ADAMTS12: variants seen among roughly 807,000 people sequenced by gnomAD.
ADAMTS12 encodes A disintegrin and metalloproteinase with thrombospondin motifs 12.
Under a neutral mutation model 167.8 loss-of-function variants are expected in ADAMTS12, and 118 were observed. That is an observed-to-expected ratio of 0.70 (90% CI 0.61 to 0.82). The LOEUF is 0.82. ADAMTS12 is among the 40% of genes least tolerant of loss of function. ADAMTS12 has a pLI of 0.00. For synonymous variants in ADAMTS12, 704 were observed against 716.9 expected, an observed-to-expected ratio of 0.98 and a Z score of 0.29; for missense variants, 1,916 against 1,998.8, an observed-to-expected ratio of 0.96 and a Z score of 0.79.
chr5:33,719,397 G>T (rs1743729758), intron 3 of ADAMTS12, among the ~76,000 whole-genome samples: 5 of 152,168 alleles, frequency 3.3e-5, no homozygotes, highest in Admixed American at 1.3e-4. Flanking sequence ...GGTGAAAAGT[G>T]ATACAACTGT....
At chr5:33,729,186 T>C (rs1430278848) in intron 3 of ADAMTS12, among the ~76,000 whole-genome samples, 3 of 152,220 alleles carry the variant, frequency 2.0e-5, no homozygotes, top group African/African-American at 7.2e-5. Flanking sequence ...AATAACATTT[T>C]AGAGTTTATT....
chr5:33,666,430 C>A (rs973583091), intron 5 of ADAMTS12, among the ~76,000 whole-genome samples: 1 of 152,222 alleles, frequency 6.6e-6, no homozygotes. Flanking sequence ...AGGAACAAAT[C>A]TCTGGGGTGG....
intron 20 of ADAMTS12, among the ~76,000 whole-genome samples, chr5:33,552,736 T>C (rs1745307638): frequency 6.6e-6 from 1 of 152,214 alleles, no homozygotes; most frequent in South Asian, 2.1e-4. Context: ...CATGTGTCTG[T>C]TTTTTACCAG....
chr5:33,861,206 TAA>T (rs1749603264), intron 2 of ADAMTS12, among the ~76,000 whole-genome samples: 1 of 152,208 alleles, frequency 6.6e-6, no homozygotes, highest in Admixed American at 6.5e-5. Flanking sequence ...GTAAGTGGGC[TAA>T]ATGCCACAAT....
Position 33,616,013 on chromosome 5 carries a change from C to G in ADAMTS12, c.2203G>C (p.Glu735Gln), listed in dbSNP as rs1480264543. ...ATGGCCAGGAAGTTTCCAGCTCCCTCAATTTCCATCACTCTTATGTCCCTT... is the reference window on the plus strand; with the variant it reads ...ATGGCCAGGAAGTTTCCAGCTCCCTGAATTTCCATCACTCTTATGTCCCTT... ...GARDIRVMEI[E>Q]GAGNFLAIRS... Residue 735 changes from glutamate (E) to glutamine (Q), a missense_variant, in exon 15 of 24, where the codon GAG becomes CAG. Coordinates refer to ENST00000504830, the MANE Select transcript of ADAMTS12 (RefSeq NM_030955.4). 2.5e-6 allele frequency: 4 copies of G among 1,614,182 alleles called. No individual in the cohort carries two copies. Among genetic ancestry groups the G allele is most frequent in the Middle Eastern group, 3.3e-4 (2 of 6,062 alleles).
At chr5:33,884,034 G>A (rs1340784289) in intron 1 of ADAMTS12, among the ~76,000 whole-genome samples, 1 of 151,970 alleles carries the variant, frequency 6.6e-6, no homozygotes, top group Non-Finnish European at 1.5e-5. Context: ...AAGGGAGTTG[G>A]GTCAGAAAAT....
chr5:33,552,904 A>G (rs1004710130), intron 20 of ADAMTS12, among the ~76,000 whole-genome samples: 4 of 152,220 alleles, frequency 2.6e-5, no homozygotes, highest in Non-Finnish European at 5.9e-5. Flanking sequence ...GAAACTATCA[A>G]CAGAGTAAAC....
chr5:33,885,826 T>G (rs1750616113), intron 1 of ADAMTS12, among the ~76,000 whole-genome samples: 1 of 152,120 alleles, frequency 6.6e-6, no homozygotes, highest in South Asian at 2.1e-4. Context: ...AAAATGAGTT[T>G]GGAGTGACAG....
rs1166648109 is a variant in ADAMTS12 at position 33,527,053 on chromosome 5, G to A, written c.*135C>T. On this transcript the variant is annotated 3_prime_UTR_variant, in exon 24 of 24. Coordinates refer to ENST00000504830, the MANE Select transcript of ADAMTS12 (RefSeq NM_030955.4). The stretch of plus-strand genomic sequence containing the variant: ...ATTCGGTGGCTAGAGGAACACAATG[G>A]ATTTTGTTTCATCATGACCCAAAGC... 1.6e-5 allele frequency: 19 copies of A among 1,190,990 alleles called. No individual in the cohort carries two copies. Among genetic ancestry groups the A allele is most frequent in the Non-Finnish European group, 2.1e-5 (18 of 841,432 alleles). The allele number at this position is 1,190,990 out of a possible 1,614,324, so 73.8% of individuals were successfully genotyped here. A position where few individuals can be genotyped will look rare whatever the true frequency, so the allele number is the denominator to read the frequency against.
intron 1 of ADAMTS12, among the ~76,000 whole-genome samples, chr5:33,883,834 GTCCACTCAC>G (rs1180265586): frequency 4.6e-5 from 7 of 152,180 alleles, no homozygotes; most frequent in African/African-American, 9.7e-5. Flanking sequence ...CCTCTCTCCT[GTCCACTCAC>G]TCCCTAAGAA....
chr5:33,733,655 G>A (rs1744271304), intron 3 of ADAMTS12, among the ~76,000 whole-genome samples: 2 of 152,182 alleles, frequency 1.3e-5, no homozygotes, highest in South Asian at 4.1e-4. Context: ...ACATGGCCGT[G>A]CTTTGTGCAA....
At chr5:33,595,185 T>A (rs1171559872) in intron 17 of ADAMTS12, among the ~76,000 whole-genome samples, 1 of 151,994 alleles carries the variant, frequency 6.6e-6, no homozygotes, top group Non-Finnish European at 1.5e-5. Context: ...TTTTTAAACA[T>A]AAGCCTGGCA....
intron 3 of ADAMTS12, among the ~76,000 whole-genome samples, chr5:33,705,932 G>C (rs1290053155): frequency 6.6e-6 from 1 of 151,954 alleles, no homozygotes; most frequent in African/African-American, 2.4e-5. Flanking sequence ...CGATGTGAAA[G>C]ACCTCTACAA....
chr5:33,687,725 G>GTA lies in ADAMTS12; in HGVS notation c.635-3672_635-3671dup, dbSNP rs1470001913. ...CAGGACTGAGCTGGGGGAGAGGACTGTATATATGTGGGCTGACTCTGCGGA... is the reference window on the plus strand; with the variant it reads ...CAGGACTGAGCTGGGGGAGAGGACTGTATATATATGTGGGCTGACTCTGCGGA... On this transcript the variant is annotated intron_variant, in intron 3 of 23. Transcript: ENST00000504830. Among the ~76,000 whole-genome samples, 5 of 152,334 alleles carry GTA rather than the reference G, an allele frequency of 3.3e-5. No homozygotes were observed. In the South Asian group the frequency reaches 6.2e-4, roughly 19 times the overall value.
At chr5:33,568,908 G>A (rs976805329) in intron 19 of ADAMTS12, among the ~76,000 whole-genome samples, 10 of 152,248 alleles carry the variant, frequency 6.6e-5, no homozygotes, top group Non-Finnish European at 1.2e-4. Context: ...GCGCTTTTCC[G>A]ACGGGCTTAG....
intron 5 of ADAMTS12, among the ~76,000 whole-genome samples, chr5:33,668,214 G>GA (rs1194976781): frequency 6.6e-6 from 1 of 152,052 alleles, no homozygotes. Flanking sequence ...CCTACAATTG[G>GA]AAAAAAATCA....
chr5:33,541,530 T>G (rs1260546356), intron 22 of ADAMTS12, among the ~76,000 whole-genome samples: 1 of 152,100 alleles, frequency 6.6e-6, no homozygotes, highest in Non-Finnish European at 1.5e-5. Context: ...GACACATAAT[T>G]GTCAGATTCA....
chr5:33,851,528 T>A (rs1351392425), intron 2 of ADAMTS12, among the ~76,000 whole-genome samples: 1 of 152,158 alleles, frequency 6.6e-6, no homozygotes, highest in Non-Finnish European at 1.5e-5. Flanking sequence ...AAAGAGAGAA[T>A]CCTTTCCAGA....
At chr5:33,873,368 A>G (rs1424641324) in intron 2 of ADAMTS12, among the ~76,000 whole-genome samples, 2 of 152,206 alleles carry the variant, frequency 1.3e-5, no homozygotes, top group African/African-American at 2.4e-5. Context: ...AAATATGTAC[A>G]AGATCTATAT....
Sources: allele counts gnomAD v4.1 joint callset (sites outside exome capture counted in the v4.1 genomes callset), GRCh38; gene constraint gnomAD v4.1.1; transcripts MANE v1.5; gene names NCBI Gene and HGNC (gene_info 2026-07-23, HGNC 2026-07-21).